IQCJ: variants seen among roughly 807,000 people sequenced by gnomAD.
The protein encoded by IQCJ is IQ motif containing J, also known as IQ domain-containing protein J.
A neutral mutation model predicts 11.0 loss-of-function variants in IQCJ; 9 were observed. That is an observed-to-expected ratio of 0.82 (90% confidence interval 0.49 to 1.43). IQCJ has a LOEUF of 1.43. IQCJ is among the 40% of genes most tolerant of loss of function. The probability of loss-of-function intolerance (pLI) is 0.00; values close to 1 mark genes in which losing one functional copy is unlikely to be tolerated. For synonymous variants in IQCJ, 55 were observed against 51.3 expected, an observed-to-expected ratio of 1.07 and a Z score of -0.31; for missense variants, 146 against 133.2, an observed-to-expected ratio of 1.10 and a Z score of -0.47.
intron 1 of IQCJ, among the ~76,000 whole-genome samples, chr3:159,090,177 C>A (rs954508080): frequency 6.6e-6 from 1 of 151,750 alleles, no homozygotes; most frequent in East Asian, 1.9e-4. Context: ...GAGTACTGGG[C>A]CCTGTGAGGT....
At position 159,071,485 on chromosome 3, in the gene IQCJ, T is replaced by C. The variant is rs538925725; in HGVS notation, c.9+2044T>C. Among the ~76,000 whole-genome samples the C allele has an allele frequency of 2.6e-5, 4 of 152,194 alleles. No homozygotes were observed. The East Asian group carries it at 7.7e-4, about 29-fold the overall frequency. On this transcript the variant is annotated intron_variant, in intron 1 of 3. Transcript: ENST00000397832. ...GATGGCTAAAGATTTACTAGCACCT[T>C]TTTTCACGTGCTATATATGCATAAA...
At chr3:159,102,277 C>T (rs181508828) in intron 1 of IQCJ, among the ~76,000 whole-genome samples, 241 of 152,300 alleles carry the variant, frequency 1.6e-3, no homozygotes, top group African/African-American at 5.6e-3. Flanking sequence ...TATCATAATC[C>T]TATTAAAATG....
chr3:159,091,682 A>G (rs1455626772), intron 1 of IQCJ, among the ~76,000 whole-genome samples: 2,638 of 84,572 alleles, frequency 0.031, 95 homozygotes, highest in African/African-American at 0.07. Context: ...ATGCACACAC[A>G]CACACACACA....
At chr3:159,116,809 A>G (rs1477872720) in intron 1 of IQCJ, among the ~76,000 whole-genome samples, 3 of 151,636 alleles carry the variant, frequency 2.0e-5, no homozygotes, top group African/African-American at 7.3e-5. Context: ...GAACCAAACC[A>G]CACAAGCACA....
intron 1 of IQCJ, among the ~76,000 whole-genome samples, chr3:159,085,412 T>C (rs1314478718): frequency 6.6e-6 from 1 of 152,162 alleles, no homozygotes; most frequent in African/African-American, 2.4e-5. Flanking sequence ...GCATGATTTA[T>C]AGTCATTTGG....
chr3:159,076,072 GA>G (rs1715893584), intron 1 of IQCJ, among the ~76,000 whole-genome samples: 2 of 152,024 alleles, frequency 1.3e-5, no homozygotes, highest in South Asian at 4.1e-4. Context: ...GTAAATTCAG[GA>G]ACCAGCACCA....
At chr3:159,181,378 G>GTCTAGCCA (rs1723081411) in intron 1 of IQCJ, among the ~76,000 whole-genome samples, 1 of 145,810 alleles carries the variant, frequency 6.9e-6, no homozygotes, top group South Asian at 2.2e-4. Flanking sequence ...TGGGCAGGAA[G>GTCTAGCCA]TCTAGCCATT....
chr3:159,169,629 T>A (rs1722386272), intron 1 of IQCJ, among the ~76,000 whole-genome samples: 1 of 152,124 alleles, frequency 6.6e-6, no homozygotes, highest in African/African-American at 2.4e-5. Context: ...TGTAGCAAGT[T>A]ACCAGAATAA....
intron 1 of IQCJ, among the ~76,000 whole-genome samples, chr3:159,169,788 G>A (rs575436515): frequency 6.6e-6 from 1 of 152,272 alleles, no homozygotes; most frequent in South Asian, 2.1e-4. Context: ...GTGTGTGGAG[G>A]CAGCACTGCA....
At chr3:159,150,238 G>A (rs180711637) in intron 1 of IQCJ, among the ~76,000 whole-genome samples, 3 of 152,148 alleles carry the variant, frequency 2.0e-5, no homozygotes, top group Middle Eastern at 3.2e-3. Context: ...GAGAGGGAAG[G>A]GATGGAAACC....
At chr3:159,159,021 G>A (rs1220758264) in intron 1 of IQCJ, among the ~76,000 whole-genome samples, 2 of 152,166 alleles carry the variant, frequency 1.3e-5, no homozygotes, top group Admixed American at 1.3e-4. Context: ...AGGCAGGAGA[G>A]CCACATGGGA....
chr3:159,266,084 C>T (rs1728477201), downstream of IQCJ: 1 of 152,194 alleles, frequency 6.6e-6, no homozygotes, highest in African/African-American at 2.4e-5. Context: ...AGGCACTCTG[C>T]TATTATCTTG....
intron 1 of IQCJ, among the ~76,000 whole-genome samples, chr3:159,241,053 T>C (rs1302849390): frequency 1.3e-5 from 2 of 152,234 alleles, no homozygotes; most frequent in Non-Finnish European, 2.9e-5. Context: ...AGGATTCTTT[T>C]ACTTGTATAA....
chr3:159,139,598 G>A (rs538376411), intron 1 of IQCJ, among the ~76,000 whole-genome samples: 18 of 152,314 alleles, frequency 1.2e-4, no homozygotes, highest in Non-Finnish European at 2.6e-4. Flanking sequence ...GTGGTAACAA[G>A]TTGCCAGCTG....
At position 159,069,777 on chromosome 3, in the gene IQCJ, A is replaced by C. The variant is rs74794458; in HGVS notation, c.9+336A>C. ...TTACACAACAACAGCAAGTAGAGGA[A>C]AAATACATTTTTCACACCCATGCAA... On this transcript the variant is annotated intron_variant, in intron 1 of 3. Transcript: ENST00000397832. The C allele has an allele frequency of 3.9e-3, 2,006 of 517,830 alleles. 34 individuals carry two copies. The highest frequency in any genetic ancestry group is 0.031 in the African/African-American group (1,602 of 52,338). The allele number at this position is 517,830 out of a possible 1,614,324, so 32.1% of individuals were successfully genotyped here. A position where few individuals can be genotyped will look rare whatever the true frequency, so the allele number is the denominator to read the frequency against.
intron 1 of IQCJ, among the ~76,000 whole-genome samples, chr3:159,163,647 G>T (rs1443744587): frequency 6.6e-6 from 1 of 152,104 alleles, no homozygotes. Flanking sequence ...TTACAGACTT[G>T]AGCCACCATG....
At chr3:159,087,059 A>T (rs1315113925) in intron 1 of IQCJ, among the ~76,000 whole-genome samples, 2 of 152,146 alleles carry the variant, frequency 1.3e-5, no homozygotes, top group Admixed American at 1.3e-4. Flanking sequence ...TGGGTTTGTG[A>T]TAGATAGCTC....
At chr3:159,104,611 C>T (rs1255108076) in intron 1 of IQCJ, among the ~76,000 whole-genome samples, 1 of 152,186 alleles carries the variant, frequency 6.6e-6, no homozygotes, top group Non-Finnish European at 1.5e-5. Flanking sequence ...CCTGGAGCTC[C>T]TGCCCACCTT....
At chr3:159,153,353 A>G (rs182370831) in intron 1 of IQCJ, among the ~76,000 whole-genome samples, 1 of 152,280 alleles carries the variant, frequency 6.6e-6, no homozygotes, top group East Asian at 1.9e-4. Flanking sequence ...TCTATACAAT[A>G]TTCTAATGGA....
Sources: gnomAD v4.1 joint callset for allele counts (sites outside exome capture counted in the v4.1 genomes callset) on GRCh38, gnomAD v4.1.1 for gene constraint, MANE v1.5 for transcripts, NCBI Gene and HGNC (gene_info 2026-07-23, HGNC 2026-07-21) for gene names.